Variants in ZNF749 observed in about 807,000 individuals in gnomAD.
ZNF749 encodes the protein zinc finger protein 749.
In ZNF749, 8 loss-of-function variants were observed where a neutral mutation model predicts 7.3. The ratio of observed to expected loss-of-function variants is 1.10; its 90% confidence interval spans 0.64 to 1.98. The LOEUF (loss-of-function observed/expected upper bound fraction) is 1.98, where lower values mean the gene tolerates loss of function less well. Ranked by LOEUF, ZNF749 falls within the 30% of genes most tolerant of loss-of-function variation. The pLI, the probability that ZNF749 is intolerant of heterozygous loss-of-function variation, is 0.00. For synonymous variants in ZNF749, 310 were observed against 322.4 expected, an observed-to-expected ratio of 0.96 and a Z score of 0.41; for missense variants, 898 against 932.4, an observed-to-expected ratio of 0.96 and a Z score of 0.48.
In ZNF749 at chr19:57,442,828, C is replaced by T. The variant is rs2089005828; in HGVS notation, c.143-463C>T. Reference sequence around the variant, plus strand: ...ACTCTGACTTCTGACCCCTGGCTTCCACCTCTGACCCCTCCTCTCCAGCCT... The same window carrying T: ...ACTCTGACTTCTGACCCCTGGCTTCTACCTCTGACCCCTCCTCTCCAGCCT... On this transcript the variant is annotated intron_variant, in intron 2 of 2. Transcript: ENST00000334181. This position sits in a 1 kb window ranked among gnomAD's most constrained non-coding sequence, Gnocchi z 6.6. 1.3e-5 allele frequency among the ~76,000 whole-genome samples: 2 copies of T among 152,142 alleles called. No homozygotes were observed. Among genetic ancestry groups the T allele is most frequent in the Non-Finnish European group, 2.9e-5 (2 of 68,032 alleles).
rs1411871248 is a variant in ZNF749 at position 57,446,009 on chromosome 19, TC to T, written c.*525del. The stretch of plus-strand genomic sequence containing the variant: ...CTTAACCCATATTTAACTGTACTGT[TC>T]AGTAGTGTTAAGTCATTCGCATTGT... On this transcript the variant is annotated 3_prime_UTR_variant, in exon 3 of 3. Transcript: ENST00000334181. 3.9e-5 allele frequency among the ~76,000 whole-genome samples: 6 copies of T among 152,218 alleles called. No homozygotes were observed. The highest frequency in any genetic ancestry group is 6.5e-5 in the Admixed American group (1 of 15,280).
rs56989300 is a variant in ZNF749, at chr19:57,445,423, G to A, written c.2275G>A (p.Val759Met). Residue 759 changes from valine to methionine, a missense_variant, in exon 3 of 3, where the codon GTG becomes ATG. Val to Met is a conservative substitution (Grantham distance 21). Coordinates refer to ENST00000334181, the MANE Select transcript of ZNF749 (RefSeq NM_001023561.4). ...TTATGAGTGTGGTGAATCCAGCAAA[G>A]TGTTTAAATACAACTCCAGCCTCAT... ...RSYECGESSK[V>M]FKYNSSLIKH... is the part of the protein sequence containing the mutation. The A allele has an allele frequency of 2.2e-4, 358 of 1,613,824 alleles. 1 individual carries two copies. The East Asian group carries it at 7.9e-3, about 36-fold the overall frequency.
Position 57,435,359 on chromosome 19 carries a change from G to A in ZNF749, c.-220G>A. On this transcript the variant is annotated 5_prime_UTR_variant, in exon 1 of 3. An upstream start codon of the reference 5' UTR is lost. Coordinates refer to ENST00000334181, the MANE Select transcript of ZNF749 (RefSeq NM_001023561.4). ...GGCGCCCTCATGGTTGCGTTAGCAT[G>A]GCTACCTAGGGATCTGTTCACTGAT... 1 of 656,696 alleles carries A rather than the reference G, an allele frequency of 1.5e-6. No homozygotes were observed. Among genetic ancestry groups the A allele is most frequent in the Non-Finnish European group, 2.6e-6 (1 of 386,000 alleles). The allele number at this position is 656,696 out of a possible 1,614,324, so 40.7% of individuals were successfully genotyped here.
rs1015745180 is a variant in ZNF749, at chr19:57,442,007, A to G, written c.138A>G (p.Ser46=). The change falls in exon 2 of 3, where the codon TCA becomes TCG. Residue 46 remains serine, a synonymous_variant. Coordinates refer to ENST00000334181, the MANE Select transcript of ZNF749 (RefSeq NM_001023561.4). This position sits in a 1 kb window ranked among gnomAD's most constrained non-coding sequence, Gnocchi z 6.6. ...TGGAGAACTTTGCGCTTTTGTCATC[A>G]GTAGGTAAGGCCTTCATACCTACTC... ...VMLENFALLS[S]VGCWHGAKDE... 27 of 1,613,888 alleles carry G rather than the reference A, an allele frequency of 1.7e-5. No homozygotes were observed. Among genetic ancestry groups the G allele is most frequent in the Non-Finnish European group, 2.3e-5 (27 of 1,179,980 alleles).
intron 1 of ZNF749, among the ~76,000 whole-genome samples, chr19:57,441,115 C>CAAA (rs35321744): frequency 0.023 from 1,622 of 70,350 alleles, 87 homozygotes; most frequent in African/African-American, 0.092. Flanking sequence ...ACTCTTGTCT[C>CAAA]AAAAAAAAAA....
At position 57,435,577 on chromosome 19, in the gene ZNF749, C is replaced by G; in HGVS notation, c.-2C>G. The G allele has an allele frequency of 3.1e-6, 5 of 1,605,804 alleles. No homozygotes were observed. The highest frequency in any genetic ancestry group is 1.3e-5 in the African/African-American group (1 of 74,894). On this transcript the variant is annotated 5_prime_UTR_variant, in exon 1 of 3. Transcript: ENST00000334181. ...CTGGGTGGACTGGAGGAGGCCGCGC[C>G]GATGAACCTGACCGAGGTGCGTGCA...
Position 57,435,503 on chromosome 19 carries a change from C to G in ZNF749, c.-76C>G, listed in dbSNP as rs2088925204. On this transcript the variant is annotated 5_prime_UTR_variant, in exon 1 of 3. Transcript: ENST00000334181. ...ATCGGCTGAGTCGGCTGCAGGCGCC[C>G]CTGCCTCCGTCAGCGTCCAGGTGAC... 6.4e-7 allele frequency: 1 copy of G among 1,552,806 alleles called. No individual in the cohort carries two copies. The highest frequency in any genetic ancestry group is 1.4e-5 in the African/African-American group (1 of 73,354).
rs2088947992 is a variant in ZNF749, at chr19:57,437,649, G to A, written c.15+2056G>A. Among the ~76,000 whole-genome samples the A allele has an allele frequency of 2.0e-5, 3 of 151,604 alleles. No individual in the cohort carries two copies. In the South Asian group the frequency reaches 6.3e-4, roughly 32 times the overall value. On this transcript the variant is annotated intron_variant, in intron 1 of 2. Transcript: ENST00000334181. ...TGAGGCAGGAGAATCGTTTGAACCC[G>A]GGAGGTGGAGGTTCCAGTGAGCTGA...
In ZNF749 at chr19:57,439,583, ACT is replaced by A. The variant is rs1214326594; in HGVS notation, c.16-2299_16-2298del. 2.0e-5 allele frequency among the ~76,000 whole-genome samples: 3 copies of A among 151,058 alleles called. No homozygotes were observed. Among genetic ancestry groups the A allele is most frequent in the African/African-American group, 7.3e-5 (3 of 41,018 alleles). Reference sequence around the variant, plus strand: ...AGGCCAGCCTGGGCAACATAGGGAGACTCTGTCCCTACAAATAATAATAAATA... The same window carrying A: ...AGGCCAGCCTGGGCAACATAGGGAGACTGTCCCTACAAATAATAATAAATA... On this transcript the variant is annotated intron_variant, in intron 1 of 2. Transcript: ENST00000334181. This position sits in a 1 kb window ranked among gnomAD's most constrained non-coding sequence, Gnocchi z 4.3.
Position 57,445,188 on chromosome 19 carries a change from C to G in ZNF749, c.2040C>G (p.Arg680=), listed in dbSNP as rs945911923. ...CSNCGKFLRY[R]STFIKHHKVC... ...ACTGTGGGAAGTTTCTTAGATACCG[C>G]TCTACATTCATTAAACATCATAAAG... The change falls in exon 3 of 3, where the codon CGC becomes CGG. Residue 680 remains arginine (R), a synonymous_variant. Coordinates refer to ENST00000334181, the MANE Select transcript of ZNF749 (RefSeq NM_001023561.4). The G allele has an allele frequency of 1.2e-6, 2 of 1,614,036 alleles. No individual in the cohort carries two copies. The highest frequency in any genetic ancestry group is 2.7e-5 in the African/African-American group (2 of 74,940).
chr19:57,435,865 T>A (rs1392437196), intron 1 of ZNF749, among the ~76,000 whole-genome samples: 6 of 152,116 alleles, frequency 3.9e-5, no homozygotes, highest in Non-Finnish European at 5.9e-5. Context: ...GAGTCTCCCC[T>A]GGAAGGGCAG....
At chr19:57,430,777 C>T (rs947330980), upstream of ZNF749, among the ~76,000 whole-genome samples, 4 of 152,062 alleles carry the variant, frequency 2.6e-5, no homozygotes, top group South Asian at 2.1e-4. Flanking sequence ...TACGGTGGCT[C>T]ACGCCTGTAA....
rs1003601518 is a variant in ZNF749, at chr19:57,442,161, C to G, written c.142+150C>G. The G allele has an allele frequency of 9.5e-7, 1 of 1,047,896 alleles. No homozygotes were observed. Among genetic ancestry groups the G allele is most frequent in the African/African-American group, 1.6e-5 (1 of 62,634 alleles). 64.9% of individuals were successfully genotyped at this position (1,047,896 alleles called of 1,614,324 possible). The stretch of plus-strand genomic sequence containing the variant: ...GGCAAATGTGATAAGGCAGCCAGAG[C>G]TGGGCTGTGTATACTGTACCACCTC... On this transcript the variant is annotated intron_variant, in intron 2 of 2. Transcript: ENST00000334181. This position sits in a 1 kb window ranked among gnomAD's most constrained non-coding sequence, Gnocchi z 6.6.
upstream of ZNF749, chr19:57,435,302 G>A (rs930665136): frequency 6.8e-6 from 4 of 589,612 alleles, no homozygotes; most frequent in South Asian, 4.0e-5. Context: ...GACGACTAAT[G>A]AGGTCTCAAT....
rs375619132 is a variant in ZNF749, at chr19:57,445,056, A to G, written c.1908A>G (p.Gly636=). The G allele has an allele frequency of 1.2e-6, 2 of 1,613,942 alleles. No homozygotes were observed. Among genetic ancestry groups the G allele is most frequent in the African/African-American group, 2.7e-5 (2 of 74,926 alleles). The part of the protein sequence containing the change: ...TLSRHQKVHT[G]ERPYECSECG... Reference sequence around the variant, plus strand: ...GTAGACATCAGAAAGTTCACACTGGAGAAAGACCTTATGAGTGTAGTGAAT... The same window carrying G: ...GTAGACATCAGAAAGTTCACACTGGGGAAAGACCTTATGAGTGTAGTGAAT... Residue 636 remains glycine, a synonymous_variant, in exon 3 of 3, where the codon GGA becomes GGG. Coordinates refer to ENST00000334181, the MANE Select transcript of ZNF749 (RefSeq NM_001023561.4).
chr19:57,440,943 T>TG (rs971705306), intron 1 of ZNF749, among the ~76,000 whole-genome samples: 3 of 151,742 alleles, frequency 2.0e-5, no homozygotes, highest in African/African-American at 4.8e-5. Flanking sequence ...CTGCCCAACA[T>TG]GGGGAAACCC....
At chr19:57,443,268 C>A (rs1403448472) in intron 2 of ZNF749, 23 bp from the exon 3 acceptor site, 1 of 1,570,740 alleles carries the variant, frequency 6.4e-7, no homozygotes, top group South Asian at 1.2e-5. Context: ...ACGTGCACTT[C>A]ACCAGCATTT....
chr19:57,441,345 T>C (rs1470403487), intron 1 of ZNF749, among the ~76,000 whole-genome samples: 1 of 152,006 alleles, frequency 6.6e-6, no homozygotes, highest in African/African-American at 2.4e-5. Flanking sequence ...GCACTGAAGA[T>C]TCTGGAGAGG....
chr19:57,435,585 C>A lies in ZNF749; in HGVS notation c.7C>A (p.Leu3Met), dbSNP rs778704138. The A allele has an allele frequency of 7.5e-6, 12 of 1,606,592 alleles. No individual in the cohort carries two copies. In the South Asian group the frequency reaches 1.2e-4, roughly 16 times the overall value. The change falls in exon 1 of 3, where the codon CTG becomes ATG. Residue 3 changes from leucine (L) to methionine (M), a missense_variant. Coordinates refer to ENST00000334181, the MANE Select transcript of ZNF749 (RefSeq NM_001023561.4). ...ACTGGAGGAGGCCGCGCCGATGAACCTGACCGAGGTGCGTGCAGCGTCCCA... is the reference window on the plus strand; with the variant it reads ...ACTGGAGGAGGCCGCGCCGATGAACATGACCGAGGTGCGTGCAGCGTCCCA... MN[L>M]TEDCMVFEDV...
Sources: allele counts gnomAD v4.1 joint callset (sites outside exome capture counted in the v4.1 genomes callset), GRCh38; gene constraint gnomAD v4.1.1; non-coding constraint Gnocchi (gnomAD v3.1); transcripts MANE v1.5; gene names NCBI Gene and HGNC (gene_info 2026-07-23, HGNC 2026-07-21).